The following PRKCB variants were observed in gnomAD, a reference collection of about 807,000 sequenced individuals.
PRKCB encodes protein kinase C beta type.
PRKCB carries 13 observed loss-of-function variants against 81.5 expected under a neutral mutation model. The ratio of observed to expected loss-of-function variants is 0.16; its 90% CI spans 0.10 to 0.25. PRKCB has a LOEUF of 0.25. Ranked by LOEUF, PRKCB falls within the 10% of genes least tolerant of loss-of-function variation. PRKCB has a pLI of 1.00. For synonymous variants in PRKCB, 335 were observed against 321.4 expected (o/e 1.04, Z -0.45); for missense variants, 509 against 875.7 (o/e 0.58, Z 5.29).
In PRKCB at chr16:24,059,729, C is replaced by T. The variant is rs553019322; in HGVS notation, c.529+24182C>T. 4.3e-4 allele frequency among the ~76,000 whole-genome samples: 65 copies of T among 151,974 alleles called. 1 individual carries two copies. Among genetic ancestry groups the T allele is most frequent in the Middle Eastern group, 3.4e-3 (1 of 294 alleles). On this transcript the variant is annotated intron_variant, in intron 5 of 16. Coordinates refer to ENST00000643927, the MANE Select transcript of PRKCB (RefSeq NM_002738.7). Reference sequence around the variant, plus strand: ...TTTTAGAGAATGAAGGGGAACCAGCCGAGTAAATGGTCATAGAAGCCAAGG... The same window carrying T: ...TTTTAGAGAATGAAGGGGAACCAGCTGAGTAAATGGTCATAGAAGCCAAGG...
At chr16:24,181,037 C>T (rs571544141) in intron 13 of PRKCB, 109 bp downstream of exon 13, 31 of 1,357,594 alleles carry the variant, frequency 2.3e-5, no homozygotes, top group African/African-American at 4.4e-5. Context: ...AAGGGAACCT[C>T]GGACAGATTC....
At chr16:24,108,886 T>C (rs1198129219) in intron 7 of PRKCB, among the ~76,000 whole-genome samples, 1 of 151,500 alleles carries the variant, frequency 6.6e-6, no homozygotes, top group Admixed American at 6.6e-5. Context: ...CCAGACGGGG[T>C]GGTGGCCGGG....
Position 23,920,567 on chromosome 16 carries a change from G to T in PRKCB, c.206-67941G>T, listed in dbSNP as rs542772292. Among the ~76,000 whole-genome samples the T allele has an allele frequency of 1.6e-3, 238 of 152,288 alleles. 7 individuals are homozygous for T. The South Asian group carries it at 0.048, about 31-fold the overall frequency. ...GGAACAATTTAATGTAATTTCAGAG[G>T]GAAGCAGAGCCCCTGGAAAGGCTGG... On this transcript the variant is annotated intron_variant, in intron 2 of 16. Transcript: ENST00000643927.
At chr16:24,082,749 C>A (rs1019942818) in intron 5 of PRKCB, among the ~76,000 whole-genome samples, 1 of 151,420 alleles carries the variant, frequency 6.6e-6, no homozygotes, top group African/African-American at 2.4e-5. Context: ...TATAAAATTT[C>A]AGAAAACACA....
At position 23,896,034 on chromosome 16, in the gene PRKCB, A is replaced by AT. The variant is rs1963372492; in HGVS notation, c.205+58630dup. Among the ~76,000 whole-genome samples, 4 of 150,576 alleles carry AT rather than the reference A, an allele frequency of 2.7e-5. No homozygotes were observed. In the Middle Eastern group the frequency reaches 0.011, roughly 398 times the overall value. On this transcript the variant is annotated intron_variant, in intron 2 of 16. Transcript: ENST00000643927. ...TATTTGAATTCTATTTTTTCTTTAA[A>AT]TTATGAATCTTTGTCCTTTAATGGG...
intron 2 of PRKCB, among the ~76,000 whole-genome samples, chr16:23,913,091 GT>G (rs1328117512): frequency 6.6e-6 from 1 of 152,140 alleles, no homozygotes; most frequent in Non-Finnish European, 1.5e-5. Flanking sequence ...AAATCAGATT[GT>G]TTCACAGACT....
At chr16:24,100,575 G>A (rs926476991) in intron 7 of PRKCB, among the ~76,000 whole-genome samples, 1 of 152,152 alleles carries the variant, frequency 6.6e-6, no homozygotes, top group Non-Finnish European at 1.5e-5. Context: ...TGCATGGATA[G>A]GTCTCTGGCC....
At chr16:24,009,284 A>G (rs1216755649) in intron 3 of PRKCB, among the ~76,000 whole-genome samples, 1 of 152,202 alleles carries the variant, frequency 6.6e-6, no homozygotes, top group East Asian at 1.9e-4. Flanking sequence ...CGGGCTAAGG[A>G]CTTGAATAGG....
chr16:24,137,287 C>T (rs1966868304), intron 9 of PRKCB, among the ~76,000 whole-genome samples: 1 of 152,120 alleles, frequency 6.6e-6, no homozygotes. Flanking sequence ...CTCCTGGGCT[C>T]AAGCGATCCT....
chr16:24,209,840 A>G (rs1968111501), intron 16 of PRKCB, among the ~76,000 whole-genome samples: 2 of 152,164 alleles, frequency 1.3e-5, no homozygotes, highest in South Asian at 4.2e-4. Flanking sequence ...TTGGTGGCTG[A>G]CACCTGGAAT....
chr16:23,908,334 T>C (rs967860054), intron 2 of PRKCB, among the ~76,000 whole-genome samples: 1 of 152,008 alleles, frequency 6.6e-6, no homozygotes, highest in Non-Finnish European at 1.5e-5. Flanking sequence ...ATGGGGGTTT[T>C]ATAGGCCAGG....
At chr16:24,156,798 C>G (rs1274410692) in intron 10 of PRKCB, among the ~76,000 whole-genome samples, 1 of 152,150 alleles carries the variant, frequency 6.6e-6, no homozygotes, top group Non-Finnish European at 1.5e-5. Flanking sequence ...AACCTCTAGG[C>G]TCCCCTACTC....
chr16:23,946,842 ATTCT>A (rs750422664), intron 2 of PRKCB, among the ~76,000 whole-genome samples: 1 of 140,816 alleles, frequency 7.1e-6, no homozygotes, highest in Non-Finnish European at 1.5e-5. Flanking sequence ...GTTTTCTTTC[ATTCT>A]TTCTTTGTCT....
intron 2 of PRKCB, among the ~76,000 whole-genome samples, chr16:23,934,017 C>A (rs1964021982): frequency 9.8e-6 from 1 of 101,842 alleles, no homozygotes; most frequent in Non-Finnish European, 2.1e-5. Flanking sequence ...GATTTTCTAC[C>A]CACTCATCCA....
chr16:23,867,024 CCT>C (rs1962810134), intron 2 of PRKCB, among the ~76,000 whole-genome samples: 6 of 87,910 alleles, frequency 6.8e-5, no homozygotes, highest in African/African-American at 2.8e-4. Context: ...TTCCTTCCTT[CCT>C]TCCTTCCTTC....
intron 2 of PRKCB, among the ~76,000 whole-genome samples, chr16:23,883,571 T>C (rs1355908215): frequency 6.6e-6 from 1 of 152,164 alleles, no homozygotes; most frequent in African/African-American, 2.4e-5. Flanking sequence ...GAATGGATTG[T>C]TGGGGACTGG....
intron 7 of PRKCB, among the ~76,000 whole-genome samples, chr16:24,104,590 C>T (rs1966551663): frequency 6.6e-6 from 1 of 152,138 alleles, no homozygotes. Flanking sequence ...TGGAGACATT[C>T]AGATTTTATA....
chr16:24,197,148 C>A (rs938937332), intron 16 of PRKCB, among the ~76,000 whole-genome samples: 1 of 152,168 alleles, frequency 6.6e-6, no homozygotes, highest in African/African-American at 2.4e-5. Flanking sequence ...TCCCTGCCTT[C>A]ATGGAGCTTA....
At chr16:24,207,299 CT>C (rs1968060691) in intron 16 of PRKCB, among the ~76,000 whole-genome samples, 1 of 152,144 alleles carries the variant, frequency 6.6e-6, no homozygotes, top group Admixed American at 6.5e-5. Flanking sequence ...ATGATAATTG[CT>C]GTCTCATTTA....
Sources: gnomAD v4.1 joint callset for allele counts (sites outside exome capture counted in the v4.1 genomes callset) on GRCh38, gnomAD v4.1.1 for gene constraint, MANE v1.5 for transcripts, NCBI Gene and HGNC (gene_info 2026-07-23, HGNC 2026-07-21) for gene names.